SNRPN: variants seen among roughly 807,000 people sequenced by gnomAD.
SNRPN encodes the protein small nuclear ribonucleoprotein polypeptide N.
Under a neutral mutation model 25.2 loss-of-function variants are expected in SNRPN, and 7 were observed. That is an observed-to-expected ratio of 0.28 (90% confidence interval 0.16 to 0.52). SNRPN has a LOEUF of 0.52. Ranked by LOEUF, SNRPN falls within the 20% of genes least tolerant of loss-of-function variation. The pLI is 0.96. For synonymous variants in SNRPN, 124 were observed against 110.6 expected (o/e 1.12, Z -0.76); for missense variants, 196 against 322.5 (o/e 0.61, Z 3.00).
At chr15:24,902,893 A>G (rs1198818776) in intron 2 of SNRPN, among the ~76,000 whole-genome samples, 1 of 152,142 alleles carries the variant, frequency 6.6e-6, no homozygotes, top group Non-Finnish European at 1.5e-5. Context: ...GTGGAAAGGG[A>G]CCCCAGTGGG....
intron 3 of SNRPN, among the ~76,000 whole-genome samples, chr15:24,973,019 C>A (rs567729741): frequency 1.2e-4 from 18 of 152,084 alleles, no homozygotes; most frequent in Non-Finnish European, 2.5e-4. Flanking sequence ...TCCTGAGTAG[C>A]TGGGATTACA....
intron 2 of SNRPN, among the ~76,000 whole-genome samples, chr15:24,887,199 G>A (rs565187402): frequency 3.7e-4 from 54 of 147,556 alleles, no homozygotes; most frequent in Non-Finnish European, 4.9e-4. Flanking sequence ...CCAGACTGGA[G>A]TGCAGTGGCA....
In SNRPN at chr15:24,956,356, G is replaced by GGGGC. The variant is rs975599510; in HGVS notation, c.-391+1297_-391+1298insCGGG. On this transcript the variant is annotated intron_variant, in intron 1 of 9. Coordinates refer to ENST00000390687, the MANE Select transcript of SNRPN (RefSeq NM_003097.6). ...TTAGATCTGCGCAAGCGCTTCAGCG[G>GGGGC]GGGGGTGGCCGCTTCCTCCCTGTAG... Among the ~76,000 whole-genome samples the GGGGC allele has an allele frequency of 4.7e-5, 7 of 149,748 alleles. 1 individual carries two copies. The highest frequency in any genetic ancestry group is 3.9e-4 in the East Asian group (2 of 5,068).
intron 2 of SNRPN, chr15:24,910,937 G>A: frequency 1.3e-6 from 1 of 772,596 alleles, no homozygotes. Context: ...TAGGCTGGCA[G>A]AGGAAAGTGC....
chr15:24,974,591 A>C, intron 4 of SNRPN, 135 bp downstream of exon 4: 1 of 855,960 alleles, frequency 1.2e-6, no homozygotes, highest in Non-Finnish European at 2.0e-6. Context: ...TTCTCATTGC[A>C]TTGAGTATCA....
chr15:24,943,839 C>T (rs1566937614), intron 3 of SNRPN, among the ~76,000 whole-genome samples: 4 of 151,428 alleles, frequency 2.6e-5, no homozygotes, highest in Non-Finnish European at 4.4e-5. Context: ...TTTTATTTTT[C>T]GAGACAGGGT....
intron 2 of SNRPN, among the ~76,000 whole-genome samples, chr15:24,911,523 G>A (rs1020878119): frequency 2.6e-5 from 4 of 152,176 alleles, no homozygotes; most frequent in Non-Finnish European, 5.9e-5. Context: ...GCTCCCTGAA[G>A]TCAAGCAAAG....
intron 1 of SNRPN, among the ~76,000 whole-genome samples, chr15:24,960,079 A>G (rs1425613331): frequency 1.3e-5 from 2 of 152,126 alleles, no homozygotes; most frequent in Admixed American, 6.6e-5. Context: ...AGCCTGGCCA[A>G]CATGGTGAAA....
intron 1 of SNRPN, among the ~76,000 whole-genome samples, chr15:24,864,395 A>G (rs1327116939): frequency 2.9e-5 from 4 of 135,870 alleles, no homozygotes; most frequent in African/African-American, 1.1e-4. Context: ...ACAGGCTAGA[A>G]TACAATGGCG....
At chr15:24,925,490 A>G (rs1037164318) in intron 3 of SNRPN, among the ~76,000 whole-genome samples, 1 of 151,604 alleles carries the variant, frequency 6.6e-6, no homozygotes, top group Non-Finnish European at 1.5e-5. Context: ...ACTCCCCAAC[A>G]CTTCCCTGGC....
intron 2 of SNRPN, among the ~76,000 whole-genome samples, chr15:24,843,933 A>G (rs975520654): frequency 1.3e-5 from 2 of 151,706 alleles, no homozygotes; most frequent in Non-Finnish European, 1.5e-5. Context: ...AGATGGTGCC[A>G]CTGCACTCCA....
At chr15:24,864,854 GC>G (rs1230817345) in intron 1 of SNRPN, among the ~76,000 whole-genome samples, 1 of 151,938 alleles carries the variant, frequency 6.6e-6, no homozygotes, top group East Asian at 1.9e-4. Flanking sequence ...CCAGTTATGT[GC>G]CTTTTATTGA....
At chr15:24,908,487 G>A (rs1460229575) in intron 2 of SNRPN, among the ~76,000 whole-genome samples, 1 of 152,078 alleles carries the variant, frequency 6.6e-6, no homozygotes, top group Non-Finnish European at 1.5e-5. Flanking sequence ...GAAAGAATAT[G>A]GACAGTAAAG....
At chr15:24,890,520 C>CA (rs1483757163) in intron 2 of SNRPN, among the ~76,000 whole-genome samples, 1 of 151,820 alleles carries the variant, frequency 6.6e-6, no homozygotes, top group African/African-American at 2.4e-5. Flanking sequence ...ACTAAAAATA[C>CA]AAAAAACAAC....
At chr15:24,909,208 G>A (rs997754133) in intron 2 of SNRPN, 25 of 1,518,942 alleles carry the variant, frequency 1.6e-5, no homozygotes, top group Admixed American at 5.0e-5. Context: ...ACATGTAATC[G>A]GCAACATTCT....
chr15:24,960,105 A>T (rs2074527988), intron 1 of SNRPN, among the ~76,000 whole-genome samples: 1 of 152,104 alleles, frequency 6.6e-6, no homozygotes, highest in Admixed American at 6.5e-5. Context: ...TCTCTACTAT[A>T]AATACAAAAA....
rs568126805 is a variant in SNRPN, at chr15:24,894,455, G to A, written c.-505+7866G>A. Among the ~76,000 whole-genome samples, 5 of 152,198 alleles carry A rather than the reference G, an allele frequency of 3.3e-5. No individual in the cohort carries two copies. The East Asian group carries it at 5.8e-4, about 18-fold the overall frequency. ...GGATGTGTCTTGATCTCCTGACCTC[G>A]TGATCCGCCCGCCTCGGCCTCCCAA... On this transcript the variant is annotated intron_variant, in intron 2 of 11. Transcript: ENST00000400097.
chr15:24,930,194 A>T (rs2060714912), intron 3 of SNRPN, among the ~76,000 whole-genome samples: 1 of 144,594 alleles, frequency 6.9e-6, no homozygotes, highest in East Asian at 2.0e-4. Flanking sequence ...AAAAATATAA[A>T]AATTACACCA....
chr15:24,825,515 G>C (rs2050022480), intron 1 of SNRPN, among the ~76,000 whole-genome samples: 1 of 152,046 alleles, frequency 6.6e-6, no homozygotes, highest in African/African-American at 2.4e-5. Context: ...CTCAACTTAA[G>C]TTGGGGCTAC....
Sources: allele counts gnomAD v4.1 joint callset (sites outside exome capture counted in the v4.1 genomes callset), GRCh38; gene constraint gnomAD v4.1.1; transcripts MANE v1.5; gene names NCBI Gene and HGNC (gene_info 2026-07-23, HGNC 2026-07-21).